PRKCH: variants seen among roughly 807,000 people sequenced by gnomAD.
The protein encoded by PRKCH is protein kinase C eta.
PRKCH carries 28 observed loss-of-function variants against 82.5 expected under a neutral mutation model. The observed-to-expected ratio is 0.34, with a 90% confidence interval of 0.25 to 0.47. The LOEUF is 0.47. Ranked by LOEUF, PRKCH falls within the 20% of genes least tolerant of loss-of-function variation. The pLI is 1.00. For synonymous variants in PRKCH, 322 were observed against 327.4 expected, an observed-to-expected ratio of 0.98 and a Z score of 0.18; for missense variants, 705 against 881.8, an observed-to-expected ratio of 0.80 and a Z score of 2.54.
At chr14:61,470,517 C>T (rs1234466700) in intron 9 of PRKCH, among the ~76,000 whole-genome samples, 1 of 152,194 alleles carries the variant, frequency 6.6e-6, no homozygotes, top group South Asian at 2.1e-4. Flanking sequence ...TAGTTTGGCT[C>T]AGGCTCGCCA....
intron 7 of PRKCH, 113 bp from the exon 8 acceptor site, chr14:61,457,063 C>A (rs886251647): frequency 3.0e-5 from 35 of 1,162,440 alleles, no homozygotes; most frequent in Non-Finnish European, 3.9e-5. Context: ...GTTGATCTTT[C>A]CCCCACGTTA....
At chr14:61,400,768 A>T (rs956447118) in intron 2 of PRKCH, among the ~76,000 whole-genome samples, 2 of 152,152 alleles carry the variant, frequency 1.3e-5, no homozygotes, top group African/African-American at 2.4e-5. Flanking sequence ...CATGCTATAT[A>T]TTATTCCATT....
chr14:61,280,221 C>T lies in PRKCH; in HGVS notation c.-19+92553C>T. ...CCAGGAAGGGGTTCTTGCCACCCAT[C>T]CACGAGATGCTGCTGAAGATGAGGA... On this transcript the variant is annotated intron_variant, in intron 1 of 3. Transcript: ENST00000555185. This position sits in a 1 kb window ranked among gnomAD's most constrained non-coding sequence, Gnocchi z 5.0. 3 of 1,614,030 alleles carry T rather than the reference C, an allele frequency of 1.9e-6. No individual in the cohort carries two copies. The highest frequency in any genetic ancestry group is 2.5e-6 in the Non-Finnish European group (3 of 1,179,938).
rs184858949 is a variant in PRKCH, at chr14:61,352,632, T to G, written c.363+30168T>G. ...TGAGCTGAGATTGACAGAGCGAGAC[T>G]CCATCTCAAAAGAAAGAAAGAAAGA... On this transcript the variant is annotated intron_variant, in intron 1 of 13. Transcript: ENST00000332981. Among the ~76,000 whole-genome samples, 872 of 136,316 alleles carry G rather than the reference T, an allele frequency of 6.4e-3. 9 individuals carry two copies. The highest frequency in any genetic ancestry group is 7.5e-3 in the Non-Finnish European group (487 of 65,226). The allele number at this position is 136,316 out of a possible 152,430, so 89.4% of individuals were successfully genotyped here.
At chr14:61,347,482 T>C (rs1424873486) in intron 1 of PRKCH, among the ~76,000 whole-genome samples, 2 of 152,240 alleles carry the variant, frequency 1.3e-5, no homozygotes, top group African/African-American at 4.8e-5. Context: ...CTTGCTGGGC[T>C]TAACTGTGGT....
At chr14:61,414,274 CTTTTTTT>C (rs151041093) in intron 2 of PRKCH, among the ~76,000 whole-genome samples, 1 of 141,124 alleles carries the variant, frequency 7.1e-6, no homozygotes. Context: ...TTCATTTAAT[CTTTTTTT>C]TTTTTTTTTG....
In PRKCH at chr14:61,453,344, T is replaced by C; in HGVS notation, c.951T>C (p.Ser317=). Residue 317 remains serine (S), a synonymous_variant, in exon 7 of 14, where the codon TCT becomes TCC. Coordinates refer to ENST00000332981, the MANE Select transcript of PRKCH (RefSeq NM_006255.5). ...TGGGTCTCCAACCCGGAAATATTTC[T>C]CCAACCTCGGTGAGACTTTGCTTTT... ...AGMGLQPGNI[S]PTSKLVSRST... The C allele has an allele frequency of 1.2e-6, 2 of 1,613,200 alleles. No homozygotes were observed. Among genetic ancestry groups the C allele is most frequent in the Non-Finnish European group, 1.7e-6 (2 of 1,179,404 alleles).
chr14:61,409,224 T>C (rs1004623110), intron 2 of PRKCH, among the ~76,000 whole-genome samples: 17 of 152,110 alleles, frequency 1.1e-4, no homozygotes, highest in African/African-American at 3.9e-4. Flanking sequence ...CCATGGGTGC[T>C]CCATGGGAAT....
chr14:61,461,724 A>G (rs1031015629), intron 9 of PRKCH, among the ~76,000 whole-genome samples: 6 of 152,270 alleles, frequency 3.9e-5, no homozygotes, highest in African/African-American at 1.2e-4. Context: ...TCAACAGATC[A>G]TGTTATGGTA....
At chr14:61,201,703 A>T (rs2044483404) in intron 1 of PRKCH, among the ~76,000 whole-genome samples, 1 of 152,230 alleles carries the variant, frequency 6.6e-6, no homozygotes, top group Non-Finnish European at 1.5e-5. Flanking sequence ...AACATAGCCA[A>T]TAGAACTAAA....
At chr14:61,371,098 T>G (rs2046360019) in intron 1 of PRKCH, among the ~76,000 whole-genome samples, 1 of 152,246 alleles carries the variant, frequency 6.6e-6, no homozygotes, top group East Asian at 1.9e-4. Context: ...GAATTTAATT[T>G]CTTTAAGAGT....
chr14:61,416,768 G>T (rs1211032198), intron 2 of PRKCH, among the ~76,000 whole-genome samples: 1 of 152,002 alleles, frequency 6.6e-6, no homozygotes. Context: ...TTAGCTTTCT[G>T]TTGGGGAGAG....
At chr14:61,268,086 A>G (rs1380933923) in intron 1 of PRKCH, among the ~76,000 whole-genome samples, 2 of 152,192 alleles carry the variant, frequency 1.3e-5, no homozygotes. Flanking sequence ...CAGAATCTTC[A>G]ATGTCTATGT....
chr14:61,479,199 C>G (rs982693091), intron 9 of PRKCH, among the ~76,000 whole-genome samples: 1 of 152,176 alleles, frequency 6.6e-6, no homozygotes, highest in Non-Finnish European at 1.5e-5. Flanking sequence ...TTTCTCCACT[C>G]TCTTATACCC....
intron 1 of PRKCH, among the ~76,000 whole-genome samples, chr14:61,287,204 TAA>T (rs35045657): frequency 0.081 from 4,643 of 57,340 alleles, 103 homozygotes; most frequent in African/African-American, 0.15. Context: ...GACTCCGTCT[TAA>T]AAAAAAAAAA....
intron 10 of PRKCH, among the ~76,000 whole-genome samples, chr14:61,512,598 A>G (rs1046144009): frequency 6.6e-6 from 1 of 152,140 alleles, no homozygotes; most frequent in African/African-American, 2.4e-5. Flanking sequence ...ATGCCTTTTT[A>G]AAAAATACCC....
At position 61,362,256 on chromosome 14, in the gene PRKCH, C is replaced by G. The variant is rs190399852; in HGVS notation, c.364-28969C>G. On this transcript the variant is annotated intron_variant, in intron 1 of 13. Transcript: ENST00000332981. ...TTGGGAGGCAGAAGAGGGAGGATAG[C>G]TTTGAGCCCAGGAATTCGAGGTTAC... is the stretch of plus-strand genomic sequence containing the variant. 1.7e-3 allele frequency among the ~76,000 whole-genome samples: 256 copies of G among 150,422 alleles called. 2 individuals carry two copies. The highest frequency in any genetic ancestry group is 6.0e-3 in the African/African-American group (244 of 40,830).
chr14:61,197,671 G>A lies in PRKCH; in HGVS notation c.-19+10003G>A, dbSNP rs969987215. 7.2e-5 allele frequency among the ~76,000 whole-genome samples: 11 copies of A among 152,178 alleles called. No individual in the cohort carries two copies. The South Asian group carries it at 1.0e-3, about 14-fold the overall frequency. On this transcript the variant is annotated intron_variant, in intron 1 of 3. Transcript: ENST00000555185. Reference sequence around the variant, plus strand: ...TCATGAGAGCAGAGCCCTCATGACCGTATCATCTCTTAAAGGCCCCATCTC... The same window carrying A: ...TCATGAGAGCAGAGCCCTCATGACCATATCATCTCTTAAAGGCCCCATCTC...
intron 1 of PRKCH, among the ~76,000 whole-genome samples, chr14:61,228,715 AG>A (rs1423769004): frequency 1.3e-5 from 2 of 151,958 alleles, no homozygotes; most frequent in Non-Finnish European, 2.9e-5. Context: ...TTCGGGAAAG[AG>A]TTTTTCTTTC....
Sources: gnomAD v4.1 joint callset for allele counts (sites outside exome capture counted in the v4.1 genomes callset) on GRCh38, gnomAD v4.1.1 for gene constraint, Gnocchi (gnomAD v3.1) non-coding constraint, MANE v1.5 for transcripts, NCBI Gene and HGNC (gene_info 2026-07-23, HGNC 2026-07-21) for gene names.